Variants in CDH18 observed in about 807,000 individuals in gnomAD.
CDH18 encodes the protein cadherin-18.
Under a neutral mutation model 67.9 loss-of-function variants are expected in CDH18, and 31 were observed. The ratio of observed to expected loss-of-function variants is 0.46; its 90% CI spans 0.34 to 0.62. CDH18 has a LOEUF of 0.62. Ranked by LOEUF, CDH18 falls within the 20% of genes least tolerant of loss-of-function variation. CDH18 has a pLI of 0.01. For missense variants in CDH18, 890 were observed against 975.5 expected (o/e 0.91, Z 1.17); for synonymous variants, 362 against 347.2 (o/e 1.04, Z -0.48).
intron 2 of CDH18, among the ~76,000 whole-genome samples, chr5:19,863,782 C>G (rs916144489): frequency 2.6e-5 from 4 of 152,180 alleles, no homozygotes; most frequent in African/African-American, 7.2e-5. Context: ...CCAACCCAGG[C>G]AAGAACAACA....
intron 1 of CDH18, among the ~76,000 whole-genome samples, chr5:20,557,101 G>T (rs943977495): frequency 1.3e-5 from 2 of 152,074 alleles, no homozygotes; most frequent in Admixed American, 1.3e-4. Flanking sequence ...TAGTATGTAT[G>T]TTCATATGTC....
At position 19,690,199 on chromosome 5, in the gene CDH18, A is replaced by C. The variant is rs150103365; in HGVS notation, c.643+31148T>G. Among the ~76,000 whole-genome samples, 683 of 151,604 alleles carry C rather than the reference A, an allele frequency of 4.5e-3. 1 individual carries two copies. The highest frequency in any genetic ancestry group is 7.9e-3 in the Non-Finnish European group (532 of 67,616). On this transcript the variant is annotated intron_variant, in intron 5 of 12. Coordinates refer to ENST00000382275, the MANE Select transcript of CDH18 (RefSeq NM_004934.5). ...AAATCAATCAACTTGGTCCTGAATG[A>C]CCAGTAGGTCAATGAGAAAATTAAG...
intron 1 of CDH18, among the ~76,000 whole-genome samples, chr5:20,449,649 T>C (rs1750276999): frequency 6.6e-6 from 1 of 152,072 alleles, no homozygotes; most frequent in Admixed American, 6.5e-5. Flanking sequence ...TACATGTATG[T>C]ACACATTTAT....
At chr5:19,990,583 T>C (rs1250874287), upstream of CDH18, among the ~76,000 whole-genome samples, 2 of 152,164 alleles carry the variant, frequency 1.3e-5, no homozygotes, top group Non-Finnish European at 2.9e-5. Context: ...GATTTGTATC[T>C]ATGAAGCCAC....
At chr5:20,307,765 TTA>T (rs1259760650) in intron 1 of CDH18, among the ~76,000 whole-genome samples, 4 of 152,224 alleles carry the variant, frequency 2.6e-5, no homozygotes, top group African/African-American at 9.6e-5. Context: ...TGTGTGATTA[TTA>T]TTAAAAACTC....
In CDH18 at chr5:20,365,303, A is replaced by G. The variant is rs752193217; in HGVS notation, c.-579-109798T>C. Among the ~76,000 whole-genome samples, 68 of 152,254 alleles carry G rather than the reference A, an allele frequency of 4.5e-4. No homozygotes were observed. The Middle Eastern group carries it at 0.017, about 38-fold the overall frequency. The stretch of plus-strand genomic sequence containing the variant: ...ATGAGGGCTCCATTCTCATGACCAC[A>G]TCTAATTCTAATTGCCTCCCAAAGG... On this transcript the variant is annotated intron_variant, in intron 1 of 14. Coordinates refer to the CDH18 transcript ENST00000507958.
intron 2 of CDH18, among the ~76,000 whole-genome samples, chr5:20,033,961 A>T (rs2150457577): frequency 6.6e-6 from 1 of 152,180 alleles, no homozygotes; most frequent in East Asian, 1.9e-4. Context: ...GGCACAATAT[A>T]AAAGAAGAGA....
intron 4 of CDH18, among the ~76,000 whole-genome samples, chr5:19,743,919 C>T (rs1319156278): frequency 2.7e-5 from 1 of 37,116 alleles, no homozygotes; most frequent in African/African-American, 1.1e-4. Flanking sequence ...AGACTCTTGT[C>T]TCAAAAAAAA....
intron 6 of CDH18, among the ~76,000 whole-genome samples, chr5:19,609,100 A>C (rs1222374117): frequency 6.6e-6 from 1 of 151,976 alleles, no homozygotes; most frequent in Non-Finnish European, 1.5e-5. Context: ...AGTTTTTAAA[A>C]ACTAGAATAG....
Position 19,904,608 on chromosome 5 carries a change from C to T in CDH18, c.-256-65366G>A, listed in dbSNP as rs566318680. ...AAGATCGTCATCACTCTGTGTCTAA[C>T]TGCGGCTCTGTAAATTAGCTAGATA... On this transcript the variant is annotated intron_variant, in intron 2 of 12. Transcript: ENST00000382275. 4.0e-4 allele frequency among the ~76,000 whole-genome samples: 61 copies of T among 152,300 alleles called. 1 individual carries two copies. The East Asian group carries it at 0.011, about 28-fold the overall frequency.
chr5:20,332,766 T>C (rs929383319), intron 1 of CDH18, among the ~76,000 whole-genome samples: 2 of 152,114 alleles, frequency 1.3e-5, no homozygotes, highest in African/African-American at 4.8e-5. Flanking sequence ...ACAAGATAAT[T>C]ATTTACCCAA....
chr5:20,519,940 G>C (rs1224026192), intron 1 of CDH18, among the ~76,000 whole-genome samples: 2 of 101,556 alleles, frequency 2.0e-5, no homozygotes, highest in Non-Finnish European at 3.9e-5. Context: ...ACACAGTCTT[G>C]GCTTTTTTTT....
intron 4 of CDH18, among the ~76,000 whole-genome samples, chr5:19,744,286 C>T (rs1328174692): frequency 6.6e-6 from 1 of 152,000 alleles, no homozygotes; most frequent in Non-Finnish European, 1.5e-5. Context: ...ATTTTTGTCC[C>T]TCAACCATAC....
chr5:19,777,068 T>A (rs911126563), intron 3 of CDH18, among the ~76,000 whole-genome samples: 1 of 152,050 alleles, frequency 6.6e-6, no homozygotes, highest in African/African-American at 2.4e-5. Flanking sequence ...TCAGTTGAGG[T>A]CAGGAGTTCA....
chr5:19,559,929 A>C (rs947608065), intron 8 of CDH18, among the ~76,000 whole-genome samples: 27 of 151,484 alleles, frequency 1.8e-4, no homozygotes, highest in East Asian at 1.9e-4. Context: ...AACAAACAAA[A>C]AAAAAACTCA....
At chr5:19,551,259 C>T (rs1390779899) in intron 8 of CDH18, among the ~76,000 whole-genome samples, 1 of 152,122 alleles carries the variant, frequency 6.6e-6, no homozygotes, top group African/African-American at 2.4e-5. Flanking sequence ...TTTGAAGACA[C>T]TGAAAAACAC....
At chr5:19,593,280 C>A (rs1023148220) in intron 6 of CDH18, among the ~76,000 whole-genome samples, 1 of 151,944 alleles carries the variant, frequency 6.6e-6, no homozygotes, top group East Asian at 1.9e-4. Context: ...ACATTTCTAC[C>A]AACAGTTTGC....
Position 19,473,151 on chromosome 5 carries a change from C to T in CDH18, c.*75G>A. 4 of 1,544,820 alleles carry T rather than the reference C, an allele frequency of 2.6e-6. No individual in the cohort carries two copies. In the South Asian group the frequency reaches 3.8e-5, roughly 15 times the overall value. ...AGTTCCAAGTACTGTTTCCACACTTCTTCCTTGTCATTGCTGAGGTTGTAT... is the reference window on the plus strand; with the variant it reads ...AGTTCCAAGTACTGTTTCCACACTTTTTCCTTGTCATTGCTGAGGTTGTAT... On this transcript the variant is annotated 3_prime_UTR_variant, in exon 13 of 13. Transcript: ENST00000382275.
At chr5:20,550,532 A>G (rs1360218526) in intron 1 of CDH18, among the ~76,000 whole-genome samples, 4 of 152,220 alleles carry the variant, frequency 2.6e-5, no homozygotes, top group Admixed American at 2.0e-4. Flanking sequence ...TGTAACATTA[A>G]TGTTGTCCAT....
Sources: allele counts gnomAD v4.1 joint callset (sites outside exome capture counted in the v4.1 genomes callset), GRCh38; gene constraint gnomAD v4.1.1; transcripts MANE v1.5; gene names NCBI Gene and HGNC (gene_info 2026-07-23, HGNC 2026-07-21).